The following RNF185 variants were observed in gnomAD, a reference collection of about 807,000 sequenced individuals.
The protein encoded by RNF185 is E3 ubiquitin-protein ligase RNF185.
Under a neutral mutation model 24.9 loss-of-function variants are expected in RNF185, and 13 were observed. The observed-to-expected ratio is 0.52, with a 90% CI of 0.34 to 0.83. RNF185 has a LOEUF of 0.83. RNF185 is among the 40% of genes least tolerant of loss of function. The probability of loss-of-function intolerance (pLI) is 0.01; values close to 1 mark genes in which losing one functional copy is unlikely to be tolerated. For missense variants in RNF185, 184 were observed against 244.7 expected (o/e 0.75, Z 1.65); for synonymous variants, 79 against 90.3 (o/e 0.88, Z 0.71).
At chr22:31,201,083 G>T (rs780303682) in intron 5 of RNF185, among the ~76,000 whole-genome samples, 6 of 152,202 alleles carry the variant, frequency 3.9e-5, no homozygotes, top group Non-Finnish European at 5.9e-5. Context: ...TAAAGATAAT[G>T]TGTAGCTTGT....
chr22:31,184,786 G>A (rs1313813880), intron 1 of RNF185, among the ~76,000 whole-genome samples: 4 of 152,132 alleles, frequency 2.6e-5, no homozygotes, highest in South Asian at 2.1e-4. Flanking sequence ...GTGGCGGCGC[G>A]CGCCTGCAAT....
At chr22:31,176,162 G>C (rs2147932275) in intron 1 of RNF185, among the ~76,000 whole-genome samples, 1 of 152,234 alleles carries the variant, frequency 6.6e-6, no homozygotes, top group Middle Eastern at 3.4e-3. Flanking sequence ...TAAGTCCACT[G>C]TCCGGAGACT....
intron 5 of RNF185, among the ~76,000 whole-genome samples, chr22:31,200,362 AAAAG>A (rs1277729887): frequency 6.6e-6 from 1 of 152,202 alleles, no homozygotes; most frequent in Non-Finnish European, 1.5e-5. Context: ...GTCTCAAAAA[AAAAG>A]AAAAGAAAAA....
At chr22:31,164,988 G>A (rs1016955803) in intron 1 of RNF185, among the ~76,000 whole-genome samples, 3 of 151,072 alleles carry the variant, frequency 2.0e-5, no homozygotes, top group Non-Finnish European at 2.9e-5. Flanking sequence ...TTGGCTCACC[G>A]CAACATCTGC....
At chr22:31,171,739 C>G (rs1391222058) in intron 1 of RNF185, among the ~76,000 whole-genome samples, 2 of 152,098 alleles carry the variant, frequency 1.3e-5, no homozygotes, top group Non-Finnish European at 2.9e-5. Context: ...GAGGCCGAGG[C>G]AAGCGGATCA....
chr22:31,162,355 CTAAAAGTTTCCTT>C (rs1460931806), intron 1 of RNF185, among the ~76,000 whole-genome samples: 1 of 152,182 alleles, frequency 6.6e-6, no homozygotes, highest in Non-Finnish European at 1.5e-5. Context: ...ACTTCTCGAT[CTAAAAGTTTCCTT>C]TTAAAGAAGT....
At chr22:31,199,667 C>T (rs916012817) in intron 5 of RNF185, among the ~76,000 whole-genome samples, 9 of 152,206 alleles carry the variant, frequency 5.9e-5, no homozygotes. Flanking sequence ...CCTGATGAAA[C>T]AATTGCACCT....
chr22:31,196,967 A>G lies in RNF185; in HGVS notation c.340A>G (p.Arg114Gly), dbSNP rs2147959735. Residue 114 changes from arginine to glycine, a missense_variant, in exon 5 of 7, where the codon AGG (arginine) becomes GGG (glycine). Arg to Gly is a moderately radical substitution (Grantham distance 125). Coordinates refer to ENST00000326132, the MANE Select transcript of RNF185 (RefSeq NM_152267.4). Reference protein sequence around the residue: ...EKTPPRPQGQRPEPENRGGFQ... With the variant: ...EKTPPRPQGQGPEPENRGGFQ... ...GACCCCTCCTCGTCCTCAAGGACAG[A>G]GGCCAGAGCCGGAGAATAGAGGGGT... is the stretch of plus-strand genomic sequence containing the variant. The G allele has an allele frequency of 1.2e-6, 2 of 1,613,282 alleles. No homozygotes were observed. Among genetic ancestry groups the G allele is most frequent in the Middle Eastern group, 3.3e-4 (2 of 6,058 alleles).
At chr22:31,186,625 G>A (rs2048101461) in intron 1 of RNF185, among the ~76,000 whole-genome samples, 1 of 152,134 alleles carries the variant, frequency 6.6e-6, no homozygotes, top group Non-Finnish European at 1.5e-5. Flanking sequence ...TATATGTTCT[G>A]GCATATGACA....
At chr22:31,190,539 A>C (rs1219904839) in intron 2 of RNF185, among the ~76,000 whole-genome samples, 1 of 151,714 alleles carries the variant, frequency 6.6e-6, no homozygotes, top group Non-Finnish European at 1.5e-5. Context: ...CAACCGCCTC[A>C]GCCTTCCAAA....
chr22:31,171,570 A>T (rs902806260), intron 1 of RNF185, among the ~76,000 whole-genome samples: 3 of 152,198 alleles, frequency 2.0e-5, no homozygotes, highest in Non-Finnish European at 2.9e-5. Flanking sequence ...AGGTGGCTCA[A>T]GGCACAAGAG....
Position 31,184,902 on chromosome 22 carries a change from G to A in RNF185, c.-48-2145G>A, listed in dbSNP as rs562614149. On this transcript the variant is annotated intron_variant, in intron 1 of 6. Coordinates refer to ENST00000326132, the MANE Select transcript of RNF185 (RefSeq NM_152267.4). ...CTCAGCTCGGCATCAGAGGGAGACC[G>A]TGCAAAGGGGAGACGAGGACCGTGC... Among the ~76,000 whole-genome samples, 44 of 148,082 alleles carry A rather than the reference G, an allele frequency of 3.0e-4. 2 individuals carry two copies. Among genetic ancestry groups the A allele is most frequent in the East Asian group, 1.6e-3 (8 of 4,952 alleles).
At chr22:31,175,373 G>A (rs1299098578) in intron 1 of RNF185, among the ~76,000 whole-genome samples, 2 of 151,284 alleles carry the variant, frequency 1.3e-5, no homozygotes, top group Non-Finnish European at 2.9e-5. Flanking sequence ...AGAATTGCTT[G>A]AACCCGGTAG....
chr22:31,183,497 A>G (rs1188714679), intron 1 of RNF185, among the ~76,000 whole-genome samples: 2 of 151,934 alleles, frequency 1.3e-5, no homozygotes, highest in African/African-American at 4.8e-5. Flanking sequence ...CATGTGAACA[A>G]AGGTCTCTGG....
chr22:31,161,894 T>TG (rs397704899), intron 1 of RNF185, among the ~76,000 whole-genome samples: 1 of 150,620 alleles, frequency 6.6e-6, no homozygotes, highest in Non-Finnish European at 1.5e-5. Context: ...TTTTTTTTTT[T>TG]GAGTATTTAG....
chr22:31,203,056 G>A (rs909981314), intron 6 of RNF185, among the ~76,000 whole-genome samples: 1 of 152,192 alleles, frequency 6.6e-6, no homozygotes, highest in African/African-American at 2.4e-5. Context: ...GCAAGAACCT[G>A]CCTGATAGCT....
rs1392729952 is a variant in RNF185 at position 31,201,423 on chromosome 22, G to A, written c.364-75G>A. 22 of 1,024,704 alleles carry A rather than the reference G, an allele frequency of 2.1e-5. No homozygotes were observed. The Admixed American group carries it at 2.9e-4, about 13-fold the overall frequency. 63.5% of individuals were successfully genotyped at this position (1,024,704 alleles called of 1,614,324 possible). On this transcript the variant is annotated intron_variant, in intron 5 of 6. Coordinates refer to ENST00000326132, the MANE Select transcript of RNF185 (RefSeq NM_152267.4). ...AGGTGCCACATGCAAGACAACGTGAGGTATGTTGAGTTTTGACAGGCACAG... is the reference window on the plus strand; with the variant it reads ...AGGTGCCACATGCAAGACAACGTGAAGTATGTTGAGTTTTGACAGGCACAG...
chr22:31,196,037 C>G (rs1315939361), intron 4 of RNF185, among the ~76,000 whole-genome samples: 1 of 152,174 alleles, frequency 6.6e-6, no homozygotes, highest in Non-Finnish European at 1.5e-5. Flanking sequence ...CCCAAGCTCT[C>G]CAGAAGAATC....
intron 1 of RNF185, among the ~76,000 whole-genome samples, chr22:31,178,473 G>A (rs936872872): frequency 3.9e-5 from 6 of 152,172 alleles, no homozygotes; most frequent in African/African-American, 1.4e-4. Context: ...AGATTCTTAG[G>A]CCTGATCTAG....
Sources: allele counts gnomAD v4.1 joint callset (sites outside exome capture counted in the v4.1 genomes callset), GRCh38; gene constraint gnomAD v4.1.1; transcripts MANE v1.5; gene names NCBI Gene and HGNC (gene_info 2026-07-23, HGNC 2026-07-21).